Variants in MAF observed in about 807,000 individuals in gnomAD.
MAF encodes transcription factor Maf.
In MAF, 10 loss-of-function variants were observed where a neutral mutation model predicts 22.0. The observed-to-expected ratio is 0.45, with a 90% CI of 0.28 to 0.77. The LOEUF (loss-of-function observed/expected upper bound fraction) is 0.77, where lower values mean the gene tolerates loss of function less well. Among genes scored for constraint, MAF ranks in the 30% least tolerant of loss-of-function variants. MAF has a pLI of 0.12. For synonymous variants in MAF, 337 were observed against 255.8 expected (o/e 1.32, Z -3.03); for missense variants, 544 against 548.4 (o/e 0.99, Z 0.08).
Position 79,586,077 on chromosome 16 carries a change from C to T in MAF, c.1119-136G>A, listed in dbSNP as rs116726112. 6.3e-3 allele frequency: 3,323 copies of T among 530,536 alleles called. 90 individuals carry two copies. The highest frequency in any genetic ancestry group is 0.058 in the African/African-American group (2,970 of 51,098). 32.9% of individuals were successfully genotyped at this position (530,536 alleles called of 1,614,324 possible). A position where few individuals can be genotyped will look rare whatever the true frequency, so the allele number is the denominator to read the frequency against. On this transcript the variant is annotated intron_variant, in intron 1 of 1. Coordinates refer to the MAF transcript ENST00000569649. The stretch of plus-strand genomic sequence containing the variant: ...ACACCAAAAGAAGAGTGATTTTGTT[C>T]CATTTGCTTTTGGGTGGTGGCCTCA...
chr16:79,354,099 A>G, the MAF span, among the ~76,000 whole-genome samples: 7,673 of 152,032 alleles, frequency 0.05, 376 homozygotes, highest in East Asian at 0.19. Flanking sequence ...GGGCTCAAGT[A>G]ACCCCCCAGT....
At chr16:79,222,789 T>C in the MAF span, among the ~76,000 whole-genome samples, 1 of 152,138 alleles carries the variant, frequency 6.6e-6, no homozygotes, top group African/African-American at 2.4e-5. Flanking sequence ...CATTACATAA[T>C]GGTAAAGGGA....
the MAF span, among the ~76,000 whole-genome samples, chr16:79,420,339 A>G: frequency 6.6e-6 from 1 of 152,248 alleles, no homozygotes; most frequent in African/African-American, 2.4e-5. Flanking sequence ...GCGACGGCAG[A>G]CAAAACAACG....
chr16:79,578,295 T>A, the MAF span, among the ~76,000 whole-genome samples: 31 of 152,266 alleles, frequency 2.0e-4, no homozygotes, highest in African/African-American at 7.2e-4. Flanking sequence ...TGAGTTTTTT[T>A]AAGATTTATA....
downstream of MAF, among the ~76,000 whole-genome samples, chr16:79,583,932 C>T (rs188658539): frequency 1.1e-3 from 173 of 152,288 alleles, 1 homozygote; most frequent in African/African-American, 4.0e-3. Flanking sequence ...AGTCTTGGCG[C>T]AGCATGCATG....
At chr16:79,228,047 G>C in the MAF span, among the ~76,000 whole-genome samples, 1 of 152,000 alleles carries the variant, frequency 6.6e-6, no homozygotes, top group African/African-American at 2.4e-5. Context: ...AGGACTATAG[G>C]CACGCACCAC....
At chr16:79,560,605 C>G in the MAF span, among the ~76,000 whole-genome samples, 3 of 151,928 alleles carry the variant, frequency 2.0e-5, no homozygotes, top group African/African-American at 4.8e-5. Flanking sequence ...CTGAATCTCC[C>G]TTACCTAACT....
the MAF span, among the ~76,000 whole-genome samples, chr16:79,357,520 G>C: frequency 6.6e-5 from 10 of 152,166 alleles, no homozygotes; most frequent in African/African-American, 2.4e-4. Context: ...TCTAGATCCT[G>C]ACAGATATGG....
chr16:79,306,235 G>T, the MAF span, among the ~76,000 whole-genome samples: 1 of 152,162 alleles, frequency 6.6e-6, no homozygotes, highest in Non-Finnish European at 1.5e-5. Context: ...TGCTTGACTT[G>T]TCCTGTCTTG....
chr16:79,494,535 C>A, the MAF span, among the ~76,000 whole-genome samples: 1 of 152,182 alleles, frequency 6.6e-6, no homozygotes, highest in Non-Finnish European at 1.5e-5. Flanking sequence ...TGTATTCCCA[C>A]CCCAGAGAAT....
the MAF span, among the ~76,000 whole-genome samples, chr16:79,379,446 G>A: frequency 1.3e-5 from 2 of 151,992 alleles, no homozygotes; most frequent in Non-Finnish European, 2.9e-5. Context: ...TAAGATCTGG[G>A]CAGGGTCAGA....
chr16:79,407,942 G>A, the MAF span, among the ~76,000 whole-genome samples: 1 of 152,124 alleles, frequency 6.6e-6, no homozygotes, highest in East Asian at 1.9e-4. Flanking sequence ...TCAGGGCCAG[G>A]AATGAGTATC....
the MAF span, among the ~76,000 whole-genome samples, chr16:79,259,966 A>C: frequency 3.3e-5 from 5 of 152,174 alleles, no homozygotes; most frequent in Admixed American, 2.6e-4. Flanking sequence ...AGGTCAAGGC[A>C]GGGAAGTGTG....
At chr16:79,243,607 A>G in the MAF span, among the ~76,000 whole-genome samples, 1 of 152,052 alleles carries the variant, frequency 6.6e-6, no homozygotes, top group Non-Finnish European at 1.5e-5. Context: ...CTAGGACCAG[A>G]GGGATTCAAA....
chr16:79,217,923 A>G, the MAF span, among the ~76,000 whole-genome samples: 1 of 143,846 alleles, frequency 7.0e-6, no homozygotes, highest in African/African-American at 2.5e-5. Flanking sequence ...GGCCAGAAAG[A>G]CTTGGCTTGC....
At chr16:79,327,596 A>G in the MAF span, among the ~76,000 whole-genome samples, 2 of 152,182 alleles carry the variant, frequency 1.3e-5, no homozygotes, top group African/African-American at 2.4e-5. Context: ...GTGGCCCAAA[A>G]GTAACTAAGG....
At chr16:79,501,289 C>G in the MAF span, among the ~76,000 whole-genome samples, 2 of 152,258 alleles carry the variant, frequency 1.3e-5, no homozygotes, top group East Asian at 3.9e-4. Flanking sequence ...GTGTTTGCTC[C>G]TCTTCTTATA....
chr16:79,328,199 T>A, the MAF span, among the ~76,000 whole-genome samples: 2 of 152,202 alleles, frequency 1.3e-5, no homozygotes, highest in African/African-American at 4.8e-5. Flanking sequence ...TCTTATTTTT[T>A]CTTCGCTTAT....
the MAF span, among the ~76,000 whole-genome samples, chr16:79,478,905 T>C: frequency 6.6e-6 from 1 of 151,826 alleles, no homozygotes; most frequent in Non-Finnish European, 1.5e-5. Context: ...CACTCCAGTA[T>C]ACTTCTATAT....
Sources: gnomAD v4.1 joint callset for allele counts (sites outside exome capture counted in the v4.1 genomes callset) on GRCh38, gnomAD v4.1.1 for gene constraint, MANE v1.5 for transcripts, NCBI Gene and HGNC (gene_info 2026-07-23, HGNC 2026-07-21) for gene names.